RBMS2: variants seen among roughly 807,000 people sequenced by gnomAD.
RBMS2 encodes RNA-binding motif, single-stranded-interacting protein 2.
RBMS2 carries 38 observed loss-of-function variants against 58.4 expected under a neutral mutation model. The ratio of observed to expected loss-of-function variants is 0.65; its 90% CI spans 0.50 to 0.85. The LOEUF (loss-of-function observed/expected upper bound fraction) is 0.85. Among genes scored for constraint, RBMS2 ranks in the 40% least tolerant of loss-of-function variants. The pLI is 0.00. For missense variants in RBMS2, 367 were observed against 503.7 expected (o/e 0.73, Z 2.60); for synonymous variants, 151 against 180.7 (o/e 0.84, Z 1.32).
At chr12:56,549,781 C>G (rs573316168) in intron 1 of RBMS2, among the ~76,000 whole-genome samples, 1 of 152,120 alleles carries the variant, frequency 6.6e-6, no homozygotes, top group Non-Finnish European at 1.5e-5. Context: ...AATCCCAGCA[C>G]TTTGGGAGGC....
At chr12:56,536,812 C>G (rs1874970067) in intron 1 of RBMS2, among the ~76,000 whole-genome samples, 1 of 151,836 alleles carries the variant, frequency 6.6e-6, no homozygotes, top group Non-Finnish European at 1.5e-5. Context: ...CATGATCTGC[C>G]CCCCTTGGCC....
At chr12:56,588,458 A>G (rs1884984203) in intron 12 of RBMS2, 84 bp downstream of exon 12, 2 of 1,235,558 alleles carry the variant, frequency 1.6e-6, no homozygotes, top group African/African-American at 1.5e-5. Flanking sequence ...TTTCTCTCAC[A>G]ATGATGCTGA....
intron 9 of RBMS2, among the ~76,000 whole-genome samples, chr12:56,585,069 C>T (rs1177279780): frequency 6.6e-6 from 1 of 152,104 alleles, no homozygotes. Context: ...GTGATCCACC[C>T]ACCTCGGCCT....
At position 56,581,436 on chromosome 12, in the gene RBMS2, CG is replaced by C; in HGVS notation, c.663del (p.Pro222GlnfsTer28). On this transcript the variant is annotated frameshift_variant, in exon 7 of 14. Transcript: ENST00000262031. LOFTEE classifies it high-confidence loss of function. ...DPLLCKFADGGPKKRQNQGKF... is the reference protein window; with the variant it reads ...DPLLCKFADGXPKKRQNQGKF... ...CCTTGCTTTGCAAATTTGCTGATGG[CG>C]GGCCAAAGAAACGACAGAACCAAGG... 2 of 1,614,088 alleles carry C rather than the reference CG, an allele frequency of 1.2e-6. No homozygotes were observed. The highest frequency in any genetic ancestry group is 1.7e-6 in the Non-Finnish European group (2 of 1,180,026).
intron 2 of RBMS2, among the ~76,000 whole-genome samples, chr12:56,567,764 G>A (rs1006537069): frequency 9.2e-5 from 14 of 152,030 alleles, no homozygotes; most frequent in African/African-American, 3.1e-4. Context: ...CCAGGAGTTC[G>A]AGGCTGCAGT....
chr12:56,579,703 G>A (rs1227642732), intron 5 of RBMS2, among the ~76,000 whole-genome samples: 3 of 152,030 alleles, frequency 2.0e-5, no homozygotes, highest in African/African-American at 7.2e-5. Flanking sequence ...GAAAATGTGA[G>A]TCTTACTTTA....
chr12:56,560,185 G>T (rs1007588524), intron 1 of RBMS2, among the ~76,000 whole-genome samples: 3 of 151,332 alleles, frequency 2.0e-5, no homozygotes, highest in Admixed American at 6.6e-5. Context: ...GTGAGCCACC[G>T]TACCCGGCCA....
chr12:56,549,068 G>A lies in RBMS2; in HGVS notation c.67-13349G>A, dbSNP rs141113701. The stretch of plus-strand genomic sequence containing the variant: ...CTGTCACCCAGGCTGGAATGATCTC[G>A]GCTCATTGCAACCTCCGACGCCCAG... On this transcript the variant is annotated intron_variant, in intron 1 of 13. Coordinates refer to ENST00000262031, the MANE Select transcript of RBMS2 (RefSeq NM_002898.4). Among the ~76,000 whole-genome samples, 715 of 152,154 alleles carry A rather than the reference G, an allele frequency of 4.7e-3. 4 individuals are homozygous for A. Among genetic ancestry groups the A allele is most frequent in the African/African-American group, 0.016 (681 of 41,544 alleles).
intron 5 of RBMS2, among the ~76,000 whole-genome samples, chr12:56,579,278 G>A (rs1014690859): frequency 6.6e-6 from 1 of 152,172 alleles, no homozygotes; most frequent in Non-Finnish European, 1.5e-5. Context: ...GAAGACCACA[G>A]CTCTACGATA....
intron 1 of RBMS2, among the ~76,000 whole-genome samples, chr12:56,557,966 G>A (rs1414872061): frequency 2.1e-5 from 3 of 142,256 alleles, no homozygotes; most frequent in Non-Finnish European, 4.5e-5. Flanking sequence ...TCCAACTCCC[G>A]ATCTCAAGTG....
At chr12:56,577,801 A>G (rs1663597116) in intron 5 of RBMS2, among the ~76,000 whole-genome samples, 2 of 151,692 alleles carry the variant, frequency 1.3e-5, no homozygotes, top group South Asian at 4.2e-4. Flanking sequence ...TCCTGCCTCA[A>G]CCTCCCAAGT....
At chr12:56,537,793 A>G (rs992909806) in intron 1 of RBMS2, among the ~76,000 whole-genome samples, 1 of 150,908 alleles carries the variant, frequency 6.6e-6, no homozygotes, top group Non-Finnish European at 1.5e-5. Flanking sequence ...TGTTTTCAAC[A>G]CTGCACAAGG....
intron 5 of RBMS2, 110 bp from the exon 6 acceptor site, chr12:56,581,074 C>A: frequency 2.2e-6 from 2 of 894,362 alleles, no homozygotes; most frequent in Non-Finnish European, 1.9e-6. Flanking sequence ...GTAGTCATAA[C>A]ATTTGGAGCA....
At chr12:56,526,658 C>A (rs796645158) in intron 1 of RBMS2, among the ~76,000 whole-genome samples, 23 of 83,040 alleles carry the variant, frequency 2.8e-4, no homozygotes, top group East Asian at 7.4e-4. Context: ...CCTTCAGTAA[C>A]TTGGTTCATT....
At chr12:56,548,820 A>G (rs1592379690) in intron 1 of RBMS2, among the ~76,000 whole-genome samples, 1 of 152,190 alleles carries the variant, frequency 6.6e-6, no homozygotes, top group East Asian at 1.9e-4. Flanking sequence ...ATTATGTGCC[A>G]GGAACTTAGC....
rs757709244 is a variant in RBMS2, at chr12:56,589,466, C to G, written c.*333C>G. Reference sequence around the variant, plus strand: ...CCCTACCTTGAAGAGACATGGTGGTCGCAGCTTCTCATCTATATGAAAAAG... The same window carrying G: ...CCCTACCTTGAAGAGACATGGTGGTGGCAGCTTCTCATCTATATGAAAAAG... On this transcript the variant is annotated 3_prime_UTR_variant, in exon 14 of 14. Transcript: ENST00000262031. 1.2e-5 allele frequency: 4 copies of G among 328,766 alleles called. No homozygotes were observed. In the East Asian group the frequency reaches 4.6e-4, roughly 38 times the overall value. 20.4% of individuals were successfully genotyped at this position (328,766 alleles called of 1,614,324 possible). A position where few individuals can be genotyped will look rare whatever the true frequency, so the allele number is the denominator to read the frequency against.
At chr12:56,572,916 C>G (rs1882531244) in intron 5 of RBMS2, 1 of 985,304 alleles carries the variant, frequency 1.0e-6, no homozygotes, top group Non-Finnish European at 1.2e-6. Flanking sequence ...TTCCCTATAC[C>G]TGCAGTTTTC....
At chr12:56,560,052 G>A (rs149698789) in intron 1 of RBMS2, among the ~76,000 whole-genome samples, 4,288 of 151,004 alleles carry the variant, frequency 0.028, 226 homozygotes, top group African/African-American at 0.099. Flanking sequence ...GTGCCACCAC[G>A]CCTGACTAAT....
intron 5 of RBMS2, 110 bp downstream of exon 5, chr12:56,571,965 A>G (rs924513442): frequency 8.7e-7 from 1 of 1,143,910 alleles, no homozygotes; most frequent in Non-Finnish European, 1.2e-6. Context: ...ATACTTTACT[A>G]TTATTCAAAA....
Sources: gnomAD v4.1 joint callset for allele counts (sites outside exome capture counted in the v4.1 genomes callset) on GRCh38, gnomAD v4.1.1 for gene constraint, MANE v1.5 for transcripts, NCBI Gene and HGNC (gene_info 2026-07-23, HGNC 2026-07-21) for gene names.